CBX7: variants seen among roughly 807,000 people sequenced by gnomAD.
CBX7 encodes the protein chromobox 7.
Under a neutral mutation model 31.4 loss-of-function variants are expected in CBX7, and 14 were observed. The observed-to-expected ratio is 0.45, with a 90% CI of 0.29 to 0.70. The LOEUF is 0.70. Among genes scored for constraint, CBX7 ranks in the 30% least tolerant of loss-of-function variants. The pLI is 0.11. For missense variants in CBX7, 269 were observed against 351.9 expected (o/e 0.76, Z 1.89); for synonymous variants, 159 against 152.6 (o/e 1.04, Z -0.31).
chr22:39,150,850 A>C (rs1437002932), intron 1 of CBX7, among the ~76,000 whole-genome samples: 1 of 151,736 alleles, frequency 6.6e-6, no homozygotes, highest in Non-Finnish European at 1.5e-5. Flanking sequence ...AAAATATGAT[A>C]CCTCCTCACA....
chr22:39,134,176 C>A, intron 5 of CBX7, 128 bp from the exon 6 acceptor site: 1 of 1,060,758 alleles, frequency 9.4e-7, no homozygotes, highest in Non-Finnish European at 1.3e-6. Context: ...TCACACAGGG[C>A]TGGACACTTG....
At chr22:39,137,088 T>C (rs1301010782) in intron 4 of CBX7, among the ~76,000 whole-genome samples, 1 of 152,162 alleles carries the variant, frequency 6.6e-6, no homozygotes, top group Admixed American at 6.5e-5. Flanking sequence ...TTCATACCCA[T>C]TTTACAGGTG....
At chr22:39,151,701 A>G (rs1930860123) in intron 1 of CBX7, among the ~76,000 whole-genome samples, 1 of 152,184 alleles carries the variant, frequency 6.6e-6, no homozygotes, top group Admixed American at 6.5e-5. Flanking sequence ...TCTAGCCCCA[A>G]AGTGTGGGGT....
At chr22:39,149,154 G>A (rs183348877) in intron 2 of CBX7, 1 of 152,360 alleles carries the variant, frequency 6.6e-6, no homozygotes, top group East Asian at 1.9e-4. Context: ...ACTCCGAGAT[G>A]GGAGGCTGGG....
intron 2 of CBX7, among the ~76,000 whole-genome samples, chr22:39,145,448 GC>G (rs1423364336): frequency 3.9e-5 from 6 of 152,284 alleles, no homozygotes; most frequent in Admixed American, 2.0e-4. Flanking sequence ...CTGGAGGAAA[GC>G]GGGCTCCCGC....
At chr22:39,146,942 G>T (rs904077987) in intron 2 of CBX7, among the ~76,000 whole-genome samples, 2 of 152,086 alleles carry the variant, frequency 1.3e-5, no homozygotes, top group Admixed American at 6.5e-5. Context: ...CACATTCCCT[G>T]TCCCGGGCCC....
chr22:39,142,500 C>T (rs1930496263), intron 2 of CBX7, among the ~76,000 whole-genome samples: 1 of 152,200 alleles, frequency 6.6e-6, no homozygotes, highest in Non-Finnish European at 1.5e-5. Context: ...CCTCGCCACC[C>T]AGCCAGGGAG....
intron 4 of CBX7, chr22:39,135,594 G>T (rs1370358983): frequency 6.6e-6 from 1 of 152,256 alleles, no homozygotes; most frequent in East Asian, 1.9e-4. Flanking sequence ...CCTCCAAGCT[G>T]AGGGAAGGGA....
intron 4 of CBX7, among the ~76,000 whole-genome samples, chr22:39,138,037 C>T (rs1042543729): frequency 9.9e-5 from 15 of 152,018 alleles, no homozygotes; most frequent in African/African-American, 3.6e-4. Flanking sequence ...AAAATTTAGC[C>T]AGGCGTGGTG....
chr22:39,145,271 A>ACGCCG (rs563374821), intron 2 of CBX7, among the ~76,000 whole-genome samples: 4 of 151,870 alleles, frequency 2.6e-5, no homozygotes, highest in African/African-American at 9.7e-5. Flanking sequence ...GGTAAGGAGG[A>ACGCCG]CGCCGCGCCG....
intron 2 of CBX7, among the ~76,000 whole-genome samples, chr22:39,142,039 C>T (rs971623852): frequency 1.3e-5 from 2 of 152,234 alleles, no homozygotes; most frequent in African/African-American, 4.8e-5. Flanking sequence ...GTAAGCCCCA[C>T]ACCAGGCAAG....
At position 39,152,369 on chromosome 22, in the gene CBX7, G is replaced by A. The variant is rs774690425; in HGVS notation, c.69+7C>T. On this transcript the variant is annotated splice_region_variant and intron_variant, in intron 1 of 5. Transcript: ENST00000216133. This position sits in a 1 kb window ranked among gnomAD's most constrained non-coding sequence, Gnocchi z 4.9. ...GGGTCCTGGGAGCCGCCCCCGGGCA[G>A]CCTCACCTTCCGCACGCGCTTCTTC... is the stretch of plus-strand genomic sequence containing the variant. 16 of 1,393,952 alleles carry A rather than the reference G, an allele frequency of 1.1e-5. No individual in the cohort carries two copies. The highest frequency in any genetic ancestry group is 1.5e-5 in the African/African-American group (1 of 67,312). The allele number at this position is 1,393,952 out of a possible 1,614,324, so 86.3% of individuals were successfully genotyped here.
rs774449615 is a variant in CBX7, at chr22:39,134,064, C to T, written c.599-16G>A. On this transcript the variant is annotated splice_polypyrimidine_tract_variant and intron_variant, in intron 5 of 5. Transcript: ENST00000216133. Reference sequence around the variant, plus strand: ...TCGGCATCTGCTGCAGCGTCAGACACACAGATGGGGGCAGCGTTGACAAGG... The same window carrying T: ...TCGGCATCTGCTGCAGCGTCAGACATACAGATGGGGGCAGCGTTGACAAGG... 6.3e-7 allele frequency: 1 copy of T among 1,583,060 alleles called. No individual in the cohort carries two copies. Among genetic ancestry groups the T allele is most frequent in the South Asian group, 1.1e-5 (1 of 89,208 alleles).
Position 39,134,416 on chromosome 22 carries a change from G to C in CBX7, c.583C>G (p.Pro195Ala), listed in dbSNP as rs772181165. Residue 195 changes from proline to alanine, a missense_variant, in exon 5 of 6, where the codon CCC becomes GCC. Around this residue, in one of 2 missense-constraint regions of CBX7, gnomAD observed 222 missense variants for 240.4 expected, o/e 0.92. Transcript: ENST00000216133. ...GCCGCCTTACCCTCCTCTTCAGGGG[G>C]CTGCGCAGCAGGCTCCCACTCGCCA... The part of the protein sequence containing the change: ...AAGEWEPAAQ[P>A]PEEEADADLA... 16 of 1,600,096 alleles carry C rather than the reference G, an allele frequency of 1.0e-5. No individual in the cohort carries two copies. The Admixed American group carries it at 1.0e-4, about 10-fold the overall frequency.
intron 1 of CBX7, 48 bp from the exon 2 acceptor site, chr22:39,149,880 C>G (rs1451870608): frequency 1.3e-6 from 2 of 1,527,040 alleles, no homozygotes; most frequent in Non-Finnish European, 1.8e-6. Context: ...GTTGCCCCTA[C>G]AGCCACTCGG....
intron 2 of CBX7, among the ~76,000 whole-genome samples, chr22:39,143,817 C>T (rs547432531): frequency 5.3e-5 from 8 of 151,680 alleles, no homozygotes; most frequent in Non-Finnish European, 7.4e-5. Context: ...ATTACACAGC[C>T]CAGGCGTGCA....
At chr22:39,146,890 C>G (rs985553187) in intron 2 of CBX7, among the ~76,000 whole-genome samples, 1 of 152,096 alleles carries the variant, frequency 6.6e-6, no homozygotes, top group Non-Finnish European at 1.5e-5. Flanking sequence ...GAAATGTTAT[C>G]TGGAGGCCTC....
intron 3 of CBX7, among the ~76,000 whole-genome samples, chr22:39,139,214 C>T (rs539772304): frequency 6.6e-6 from 1 of 152,280 alleles, no homozygotes; most frequent in East Asian, 1.9e-4. Flanking sequence ...CTGTCTGTCC[C>T]ATCTTGTCGG....
At chr22:39,145,878 C>T (rs949402998) in intron 2 of CBX7, among the ~76,000 whole-genome samples, 22 of 151,918 alleles carry the variant, frequency 1.4e-4, no homozygotes, top group African/African-American at 5.1e-4. Context: ...GGTGAGGGCA[C>T]GCAGTGGGAA....
Sources: gnomAD v4.1 joint callset for allele counts (sites outside exome capture counted in the v4.1 genomes callset) on GRCh38, gnomAD v4.1.1 for gene constraint, gnomAD v4.1.1 regional missense constraint, Gnocchi (gnomAD v3.1) non-coding constraint, MANE v1.5 for transcripts, NCBI Gene and HGNC (gene_info 2026-07-23, HGNC 2026-07-21) for gene names.